The following USH2A variants were observed in gnomAD, a reference collection of about 807,000 sequenced individuals.
USH2A encodes usherin.
A neutral mutation model predicts 538.9 loss-of-function variants in USH2A; 443 were observed. The ratio of observed to expected loss-of-function variants is 0.82; its 90% CI spans 0.76 to 0.89. USH2A has a LOEUF of 0.89. Ranked by LOEUF, USH2A falls within the 40% of genes least tolerant of loss-of-function variation. The probability of loss-of-function intolerance (pLI) is 0.00; values close to 1 mark genes in which losing one functional copy is unlikely to be tolerated. For missense variants in USH2A, 6,633 were observed against 6,324.8 expected, an observed-to-expected ratio of 1.05 and a Z score of -1.65; for synonymous variants, 2,413 against 2,273.5, an observed-to-expected ratio of 1.06 and a Z score of -1.75.
rs2102642067 is a variant in USH2A, at chr1:215,647,556, A to G, written c.14757T>C (p.Ala4919=). The part of the protein sequence containing the change: ...VVAHNEVGST[A]SEWISFTTQK... The stretch of plus-strand genomic sequence containing the variant: ...GGGTGGTGAAACTGATCCACTCGGA[A>G]GCCGTACTGCCCACCTCGTTGTGTG... The change falls in exon 67 of 72, where the codon GCT becomes GCC. Residue 4919 remains alanine, a synonymous_variant. Transcript: ENST00000307340. 3.7e-6 allele frequency: 6 copies of G among 1,614,110 alleles called. No homozygotes were observed. Among genetic ancestry groups the G allele is most frequent in the African/African-American group, 1.3e-5 (1 of 75,032 alleles).
At chr1:215,860,189 G>A (rs143513480) in intron 44 of USH2A, among the ~76,000 whole-genome samples, 22 of 152,312 alleles carry the variant, frequency 1.4e-4, no homozygotes, top group African/African-American at 5.3e-4. Flanking sequence ...GCAGAATCAT[G>A]AGCTAAGCAA....
chr1:215,741,688 G>A, intron 59 of USH2A, 151 bp from the exon 60 acceptor site: 10 of 876,130 alleles, frequency 1.1e-5, no homozygotes, highest in South Asian at 2.0e-5. Context: ...AATTTTTATG[G>A]GATTTGAACA....
intron 41 of USH2A, among the ~76,000 whole-genome samples, chr1:215,883,824 G>A (rs566230408): frequency 6.6e-5 from 10 of 152,148 alleles, no homozygotes; most frequent in African/African-American, 2.4e-4. Context: ...ACTACAGAAA[G>A]TACCACCTCA....
At chr1:216,286,926 A>C (rs2036897983) in intron 11 of USH2A, among the ~76,000 whole-genome samples, 1 of 152,220 alleles carries the variant, frequency 6.6e-6, no homozygotes, top group East Asian at 1.9e-4. Flanking sequence ...ACAGGAAGGA[A>C]GATTTTATAA....
At chr1:216,335,303 A>T (rs931938247) in intron 4 of USH2A, among the ~76,000 whole-genome samples, 1 of 151,662 alleles carries the variant, frequency 6.6e-6, no homozygotes, top group Admixed American at 6.6e-5. Context: ...GTTTAAAGTG[A>T]TATTTAGAGC....
chr1:215,653,690 GC>G (rs1455545263), intron 64 of USH2A, among the ~76,000 whole-genome samples: 2 of 152,174 alleles, frequency 1.3e-5, no homozygotes, highest in African/African-American at 4.8e-5. Flanking sequence ...CTCTGTCTCT[GC>G]TGAGGTAAAA....
intron 58 of USH2A, among the ~76,000 whole-genome samples, chr1:215,746,288 C>A (rs191359705): frequency 6.6e-6 from 1 of 152,044 alleles, no homozygotes; most frequent in African/African-American, 2.4e-5. Context: ...TGCCCTGTAA[C>A]GGAATGGTCT....
At chr1:216,310,547 C>G (rs1330103905) in intron 9 of USH2A, among the ~76,000 whole-genome samples, 1 of 151,672 alleles carries the variant, frequency 6.6e-6, no homozygotes, top group Admixed American at 6.6e-5. Context: ...CTTTTTTTCT[C>G]CTCGACCATA....
chr1:216,250,881 T>C, intron 12 of USH2A, 22 bp downstream of exon 12: 2 of 1,612,730 alleles, frequency 1.2e-6, no homozygotes, highest in Non-Finnish European at 1.7e-6. Flanking sequence ...GATGTGACTG[T>C]AAACTTTTGC....
chr1:216,257,104 T>A (rs1302041889), intron 11 of USH2A, among the ~76,000 whole-genome samples: 1 of 152,052 alleles, frequency 6.6e-6, no homozygotes, highest in Non-Finnish European at 1.5e-5. Context: ...TATTTACCAA[T>A]GCAGTTGCCA....
intron 61 of USH2A, among the ~76,000 whole-genome samples, chr1:215,711,474 T>G (rs1393344431): frequency 1.3e-5 from 2 of 152,202 alleles, no homozygotes; most frequent in Non-Finnish European, 2.9e-5. Flanking sequence ...GAGAACATAT[T>G]TTAGGAAGAA....
At chr1:215,827,786 T>C (rs1429642294) in intron 47 of USH2A, among the ~76,000 whole-genome samples, 1 of 152,066 alleles carries the variant, frequency 6.6e-6, no homozygotes, top group Non-Finnish European at 1.5e-5. Context: ...GGTATACAGG[T>C]GAAAACAAGT....
At chr1:216,228,942 G>C (rs984932411) in intron 14 of USH2A, among the ~76,000 whole-genome samples, 1 of 152,106 alleles carries the variant, frequency 6.6e-6, no homozygotes, top group Non-Finnish European at 1.5e-5. Context: ...GGGAGGCCGA[G>C]GTGGGCGGAT....
At chr1:215,977,159 G>A (rs1667638318) in intron 35 of USH2A, among the ~76,000 whole-genome samples, 1 of 151,908 alleles carries the variant, frequency 6.6e-6, no homozygotes, top group African/African-American at 2.4e-5. Flanking sequence ...AATGAATCAG[G>A]AAGAAATTAA....
chr1:216,016,355 G>GA (rs1435746061), intron 32 of USH2A, among the ~76,000 whole-genome samples: 2 of 151,900 alleles, frequency 1.3e-5, no homozygotes, highest in Non-Finnish European at 2.9e-5. Context: ...TTTAAAAAAG[G>GA]AAAAAACAAA....
intron 47 of USH2A, among the ~76,000 whole-genome samples, chr1:215,818,133 ATTAAGGCTTCTG>A (rs1464684414): frequency 6.6e-6 from 1 of 151,938 alleles, no homozygotes; most frequent in African/African-American, 2.4e-5. Flanking sequence ...TTATGTTATC[ATTAAGGCTTCTG>A]GTCAACAGTA....
rs751696730 is a variant in USH2A at position 216,070,233 on chromosome 1, C to T, written c.5917G>A (p.Val1973Met). Residue 1973 changes from valine to methionine, a missense_variant, in exon 30 of 72, where the codon GTG becomes ATG. Val to Met is a conservative substitution (Grantham distance 21). Transcript: ENST00000307340. ...VRSLNGYSIEVTWDEPVVRGV... is the reference protein window; with the variant it reads ...VRSLNGYSIEMTWDEPVVRGV... ...CTGACAACAGGTTCATCCCAGGTCA[C>T]CTCAATGCTGTATCCATTTAAGCTG... 1.2e-6 allele frequency: 2 copies of T among 1,613,970 alleles called. No individual in the cohort carries two copies. The highest frequency in any genetic ancestry group is 1.1e-5 in the South Asian group (1 of 91,084).
intron 37 of USH2A, among the ~76,000 whole-genome samples, chr1:215,958,365 T>C (rs1237296206): frequency 6.6e-6 from 1 of 152,170 alleles, no homozygotes; most frequent in Non-Finnish European, 1.5e-5. Flanking sequence ...GGTAAGCCTA[T>C]TCTGGGTGCT....
intron 5 of USH2A, among the ~76,000 whole-genome samples, chr1:216,325,925 T>C (rs969735749): frequency 6.6e-5 from 10 of 152,214 alleles, no homozygotes; most frequent in Non-Finnish European, 1.5e-4. Flanking sequence ...AATATAGAAA[T>C]GATCACATTT....
Sources: gnomAD v4.1 joint callset for allele counts (sites outside exome capture counted in the v4.1 genomes callset) on GRCh38, gnomAD v4.1.1 for gene constraint, MANE v1.5 for transcripts, NCBI Gene and HGNC (gene_info 2026-07-23, HGNC 2026-07-21) for gene names.